The following ZBBX variants were observed in gnomAD, a reference collection of about 807,000 sequenced individuals.
ZBBX encodes zinc finger B-box domain-containing protein 1.
ZBBX carries 101 observed loss-of-function variants against 108.5 expected under a neutral mutation model. The ratio of observed to expected loss-of-function variants is 0.93; its 90% CI spans 0.79 to 1.10. ZBBX has a LOEUF of 1.10. ZBBX is among the 50% of genes least tolerant of loss of function. The pLI is 0.00. For missense variants in ZBBX, 1,009 were observed against 941.4 expected, an observed-to-expected ratio of 1.07 and a Z score of -0.94; for synonymous variants, 356 against 323.4, an observed-to-expected ratio of 1.10 and a Z score of -1.08.
the ZBBX span, among the ~76,000 whole-genome samples, chr3:167,194,064 C>T: frequency 1.3e-5 from 2 of 151,758 alleles, no homozygotes; most frequent in East Asian, 1.9e-4. Context: ...GGTAGGGTGA[C>T]TAGATTTTGT....
At chr3:167,279,829 A>T (rs1477118316) in intron 20 of ZBBX, among the ~76,000 whole-genome samples, 1 of 152,188 alleles carries the variant, frequency 6.6e-6, no homozygotes, top group Admixed American at 6.5e-5. Flanking sequence ...GAGGCATCAT[A>T]CTACCTGACT....
At chr3:167,242,158 TA>T (rs1720784469) in intron 21 of ZBBX, among the ~76,000 whole-genome samples, 1 of 152,204 alleles carries the variant, frequency 6.6e-6, no homozygotes, top group Non-Finnish European at 1.5e-5. Flanking sequence ...AGGATTCTAT[TA>T]ATACAAAGTA....
intron 20 of ZBBX, among the ~76,000 whole-genome samples, chr3:167,255,413 C>A (rs1260791493): frequency 1.3e-5 from 2 of 151,516 alleles, no homozygotes; most frequent in African/African-American, 4.9e-5. Context: ...AATGCTGGTA[C>A]TAAACATTTA....
chr3:167,235,565 C>G (rs893151730), downstream of ZBBX, among the ~76,000 whole-genome samples: 5 of 151,252 alleles, frequency 3.3e-5, no homozygotes, highest in African/African-American at 1.2e-4. Flanking sequence ...GAAAGCAATA[C>G]ACATATTGAT....
the ZBBX span, among the ~76,000 whole-genome samples, chr3:167,212,464 G>A: frequency 6.6e-6 from 1 of 152,142 alleles, no homozygotes; most frequent in Non-Finnish European, 1.5e-5. Context: ...AAGGAACAAA[G>A]ACCCTAAGCC....
At chr3:167,196,505 G>A in the ZBBX span, among the ~76,000 whole-genome samples, 4 of 151,950 alleles carry the variant, frequency 2.6e-5, no homozygotes, top group African/African-American at 9.7e-5. Context: ...TCAATGTGTG[G>A]GATTTATATC....
intron 8 of ZBBX, among the ~76,000 whole-genome samples, chr3:167,353,208 T>C (rs1353273506): frequency 6.6e-6 from 1 of 152,104 alleles, no homozygotes; most frequent in African/African-American, 2.4e-5. Context: ...TGATGTTATC[T>C]TATGCCTAGA....
chr3:167,208,810 T>G, the ZBBX span, among the ~76,000 whole-genome samples: 223 of 152,230 alleles, frequency 1.5e-3, no homozygotes, highest in African/African-American at 5.1e-3. Context: ...GACTTTGTCT[T>G]GTAGCTTAGG....
chr3:167,314,181 A>T, intron 15 of ZBBX, 65 bp from the exon 16 acceptor site: 1 of 1,421,344 alleles, frequency 7.0e-7, no homozygotes, highest in Non-Finnish European at 9.4e-7. Flanking sequence ...GAAAATTTTA[A>T]AAGTCCCAAG....
At chr3:167,352,282 A>G (rs1742794422) in intron 8 of ZBBX, among the ~76,000 whole-genome samples, 1 of 152,166 alleles carries the variant, frequency 6.6e-6, no homozygotes, top group African/African-American at 2.4e-5. Context: ...AATACGCACA[A>G]TAAGATATGA....
upstream of ZBBX, among the ~76,000 whole-genome samples, chr3:167,384,648 GAGA>G (rs889310852): frequency 1.3e-5 from 2 of 152,028 alleles, no homozygotes; most frequent in Non-Finnish European, 2.9e-5. Flanking sequence ...GGATTTCTCG[GAGA>G]AACTACAGAA....
In ZBBX at chr3:167,315,827, A is replaced by G; in HGVS notation, c.1197T>C (p.Thr399=). 1 of 1,581,280 alleles carries G rather than the reference A, an allele frequency of 6.3e-7. No homozygotes were observed. Among genetic ancestry groups the G allele is most frequent in the Non-Finnish European group, 8.6e-7 (1 of 1,157,272 alleles). ...CTGCTTCTTCAAATTCCTCTTCATA[A>G]GTCTTATTAAATTAATGTTATATAA... ...PSLKIVELDD[T]YEEEFEEAEN... is the part of the protein sequence containing the mutation. Residue 399 remains threonine (T), a splice_region_variant and synonymous_variant, in exon 15 of 22, where the codon ACT becomes ACC. Coordinates refer to ENST00000675490, the MANE Select transcript of ZBBX (RefSeq NM_001199201.2).
intron 20 of ZBBX, chr3:167,252,154 C>T (rs1722734118): frequency 1.6e-6 from 2 of 1,289,450 alleles, no homozygotes; most frequent in South Asian, 1.2e-5. Context: ...GTCTTATTCT[C>T]CCAGCTCCTT....
intron 9 of ZBBX, among the ~76,000 whole-genome samples, chr3:167,335,562 A>C (rs763305928): frequency 1.6e-4 from 24 of 151,818 alleles, no homozygotes; most frequent in South Asian, 8.4e-4. Flanking sequence ...CAAACAAGAA[A>C]AATTTAGCAG....
intron 7 of ZBBX, among the ~76,000 whole-genome samples, 176 bp from the exon 8 acceptor site, chr3:167,360,155 A>G (rs1222923598): frequency 6.8e-6 from 1 of 148,048 alleles, no homozygotes; most frequent in Non-Finnish European, 1.5e-5. Context: ...GTATATAAAT[A>G]TATATTATAT....
chr3:167,266,708 C>T (rs181773752), intron 20 of ZBBX, among the ~76,000 whole-genome samples: 10 of 152,330 alleles, frequency 6.6e-5, no homozygotes, highest in African/African-American at 1.2e-4. Flanking sequence ...TCTTGATTGA[C>T]GTGAGTGGCA....
chr3:167,363,130 T>C (rs919379853), intron 6 of ZBBX, among the ~76,000 whole-genome samples: 7 of 151,914 alleles, frequency 4.6e-5, no homozygotes, highest in African/African-American at 1.2e-4. Context: ...CCAACCTCAA[T>C]CACCTTATCT....
At chr3:167,248,321 G>A (rs1029920777) in intron 20 of ZBBX, among the ~76,000 whole-genome samples, 1 of 152,200 alleles carries the variant, frequency 6.6e-6, no homozygotes, top group South Asian at 2.1e-4. Flanking sequence ...TCTTTCCCTG[G>A]CCAAGGAATT....
intron 11 of ZBBX, among the ~76,000 whole-genome samples, chr3:167,323,748 G>C (rs1736881638): frequency 6.6e-6 from 1 of 152,098 alleles, no homozygotes; most frequent in African/African-American, 2.4e-5. Flanking sequence ...CAAAAGTCCT[G>C]ATGGGAAAGT....
Sources: gnomAD v4.1 joint callset for allele counts (sites outside exome capture counted in the v4.1 genomes callset) on GRCh38, gnomAD v4.1.1 for gene constraint, MANE v1.5 for transcripts, NCBI Gene and HGNC (gene_info 2026-07-23, HGNC 2026-07-21) for gene names.